Variants in CNTNAP2 observed in about 807,000 individuals in gnomAD.
CNTNAP2 encodes contactin associated protein 2.
Under a neutral mutation model 155.2 loss-of-function variants are expected in CNTNAP2, and 98 were observed. The observed-to-expected ratio is 0.63, with a 90% confidence interval of 0.54 to 0.75. The LOEUF (loss-of-function observed/expected upper bound fraction) is 0.75. CNTNAP2 is among the 30% of genes least tolerant of loss of function. CNTNAP2 has a pLI of 0.00. For synonymous variants in CNTNAP2, 651 were observed against 631.2 expected, an observed-to-expected ratio of 1.03 and a Z score of -0.47; for missense variants, 1,727 against 1,688.1, an observed-to-expected ratio of 1.02 and a Z score of -0.40.
At chr7:146,328,014 C>T (rs894489520) in intron 1 of CNTNAP2, among the ~76,000 whole-genome samples, 11 of 152,136 alleles carry the variant, frequency 7.2e-5, no homozygotes, top group Admixed American at 2.6e-4. Context: ...CTTCAAAAGG[C>T]GGCCTCAACC....
At chr7:146,633,684 C>G (rs1432490902) in intron 1 of CNTNAP2, among the ~76,000 whole-genome samples, 2 of 151,682 alleles carry the variant, frequency 1.3e-5, no homozygotes, top group Non-Finnish European at 2.9e-5. Flanking sequence ...AAAAAACTAG[C>G]CGGGCATGAT....
chr7:147,374,843 T>C (rs949240093), intron 9 of CNTNAP2, among the ~76,000 whole-genome samples: 1 of 152,056 alleles, frequency 6.6e-6, no homozygotes, highest in African/African-American at 2.4e-5. Context: ...GTCAGAGTGT[T>C]ACTATACACT....
chr7:147,477,641 AG>A (rs1238827525), intron 10 of CNTNAP2, among the ~76,000 whole-genome samples: 2 of 152,232 alleles, frequency 1.3e-5, no homozygotes, highest in Non-Finnish European at 2.9e-5. Context: ...TGCCAAAGCT[AG>A]TTAAAACCAT....
At chr7:148,158,398 T>A (rs1207446703) in intron 17 of CNTNAP2, among the ~76,000 whole-genome samples, 1 of 152,002 alleles carries the variant, frequency 6.6e-6, no homozygotes, top group Non-Finnish European at 1.5e-5. Flanking sequence ...AATTTTTGTA[T>A]TTTTAGTAGA....
chr7:147,860,638 C>T (rs1249202171), intron 13 of CNTNAP2, among the ~76,000 whole-genome samples: 1 of 151,246 alleles, frequency 6.6e-6, no homozygotes, highest in Non-Finnish European at 1.5e-5. Flanking sequence ...CTCTCTCTCT[C>T]TTTCCTGCCA....
At chr7:148,026,808 T>C (rs1802384374) in intron 15 of CNTNAP2, among the ~76,000 whole-genome samples, 1 of 152,186 alleles carries the variant, frequency 6.6e-6, no homozygotes, top group African/African-American at 2.4e-5. Flanking sequence ...ATGAAAATAA[T>C]GACACTGCAA....
At chr7:147,354,853 T>A (rs912444858) in intron 9 of CNTNAP2, among the ~76,000 whole-genome samples, 1 of 152,100 alleles carries the variant, frequency 6.6e-6, no homozygotes, top group African/African-American at 2.4e-5. Flanking sequence ...GTCCTTCACA[T>A]CCCATGTAAG....
chr7:148,034,925 G>T (rs574587733), intron 15 of CNTNAP2, among the ~76,000 whole-genome samples: 2 of 152,318 alleles, frequency 1.3e-5, no homozygotes, highest in South Asian at 4.2e-4. Flanking sequence ...TTAGAAACTG[G>T]AGTAAAGGCC....
chr7:147,938,391 A>T (rs1009641577), intron 14 of CNTNAP2, among the ~76,000 whole-genome samples: 5 of 152,202 alleles, frequency 3.3e-5, no homozygotes, highest in Non-Finnish European at 7.3e-5. Context: ...ACCCATACAT[A>T]AAAGAACTTG....
At chr7:147,670,226 G>A (rs140627151) in intron 13 of CNTNAP2, among the ~76,000 whole-genome samples, 135 of 152,184 alleles carry the variant, frequency 8.9e-4, no homozygotes, top group African/African-American at 2.9e-3. Flanking sequence ...AGTCCATGTG[G>A]TCTAAGTCCT....
At chr7:147,083,413 C>A (rs1051668025) in intron 4 of CNTNAP2, among the ~76,000 whole-genome samples, 2 of 151,626 alleles carry the variant, frequency 1.3e-5, no homozygotes, top group African/African-American at 4.8e-5. Context: ...TAATGTCGCT[C>A]ACCTCTACTA....
chr7:148,147,797 AAGG>A, intron 17 of CNTNAP2, 88 bp downstream of exon 17: 1 of 1,315,636 alleles, frequency 7.6e-7, no homozygotes, highest in Non-Finnish European at 1.1e-6. Context: ...CAGCCTATGC[AAGG>A]TTTGATATAG....
At chr7:147,280,689 CTG>C (rs978725232) in intron 8 of CNTNAP2, among the ~76,000 whole-genome samples, 4 of 151,866 alleles carry the variant, frequency 2.6e-5, no homozygotes, top group Non-Finnish European at 4.4e-5. Context: ...GTAACAATAA[CTG>C]TTATATTCAC....
rs1332694376 is a variant in CNTNAP2 at position 148,413,810 on chromosome 7, C to G, written c.3797-1607C>G. 2.8e-5 allele frequency among the ~76,000 whole-genome samples: 4 copies of G among 142,420 alleles called. No homozygotes were observed. In the South Asian group the frequency reaches 9.8e-4, roughly 35 times the overall value. The allele number at this position is 142,420 out of a possible 152,430, so 93.4% of individuals were successfully genotyped here. ...CTTCCTGATGAATTCACCCTTTTGT[C>G]ATTATGAAATGTTCTTCATTTCTAC... On this transcript the variant is annotated intron_variant, in intron 23 of 23. Coordinates refer to ENST00000361727, the MANE Select transcript of CNTNAP2 (RefSeq NM_014141.6).
intron 21 of CNTNAP2, among the ~76,000 whole-genome samples, chr7:148,369,180 CCTTT>C (rs1798840116): frequency 2.9e-5 from 3 of 105,146 alleles, no homozygotes; most frequent in African/African-American, 3.7e-5. Context: ...AAATTGAATC[CCTTT>C]TTTTTTTTTT....
intron 1 of CNTNAP2, among the ~76,000 whole-genome samples, chr7:146,675,669 A>G (rs1800386471): frequency 6.6e-6 from 1 of 152,174 alleles, no homozygotes; most frequent in Non-Finnish European, 1.5e-5. Context: ...CTCCCACACC[A>G]TAGGAGCTTA....
intron 1 of CNTNAP2, among the ~76,000 whole-genome samples, chr7:146,409,581 A>T (rs979855529): frequency 6.6e-6 from 1 of 152,290 alleles, no homozygotes; most frequent in African/African-American, 2.4e-5. Context: ...GATATCTAAA[A>T]CATCTATCAC....
chr7:147,276,859 T>A (rs1324100708), intron 8 of CNTNAP2, among the ~76,000 whole-genome samples: 1 of 151,810 alleles, frequency 6.6e-6, no homozygotes, highest in South Asian at 2.1e-4. Flanking sequence ...GAAGCACAGA[T>A]GCTGTGAATT....
At chr7:147,062,118 A>C in intron 4 of CNTNAP2, among the ~76,000 whole-genome samples, 1 of 118,676 alleles carries the variant, frequency 8.4e-6, no homozygotes, top group South Asian at 3.3e-4. Context: ...ACAGAGCGAG[A>C]CTCCGTCTCA....
Sources: allele counts gnomAD v4.1 joint callset (sites outside exome capture counted in the v4.1 genomes callset), GRCh38; gene constraint gnomAD v4.1.1; transcripts MANE v1.5; gene names NCBI Gene and HGNC (gene_info 2026-07-23, HGNC 2026-07-21).